The following GRID1 variants were observed in gnomAD, a reference collection of about 807,000 sequenced individuals.
The protein encoded by GRID1 is glutamate ionotropic receptor delta type subunit 1.
A neutral mutation model predicts 98.0 loss-of-function variants in GRID1; 28 were observed. The observed-to-expected ratio is 0.29, with a 90% CI of 0.21 to 0.39. The LOEUF (loss-of-function observed/expected upper bound fraction) is 0.39, where lower values mean the gene tolerates loss of function less well. Ranked by LOEUF, GRID1 falls within the 10% of genes least tolerant of loss-of-function variation. GRID1 has a pLI of 1.00. For synonymous variants in GRID1, 553 were observed against 538.5 expected (o/e 1.03, Z -0.37); for missense variants, 1,111 against 1,340.5 (o/e 0.83, Z 2.67).
At chr10:86,262,314 G>A (rs986873030) in intron 2 of GRID1, among the ~76,000 whole-genome samples, 2 of 152,190 alleles carry the variant, frequency 1.3e-5, no homozygotes, top group Non-Finnish European at 2.9e-5. Flanking sequence ...GCTCTCCACT[G>A]AGATTCTGAT....
intron 15 of GRID1, chr10:85,607,271 G>A (rs769081401): frequency 2.6e-5 from 4 of 152,246 alleles, no homozygotes; most frequent in Admixed American, 1.3e-4. Context: ...CCTTAGAACA[G>A]ACTTTGCTTG....
At chr10:85,701,261 G>A (rs985977813) in intron 12 of GRID1, among the ~76,000 whole-genome samples, 2 of 152,164 alleles carry the variant, frequency 1.3e-5, no homozygotes, top group African/African-American at 4.8e-5. Context: ...CAGTAACAAC[G>A]GAAAATGCCT....
intron 13 of GRID1, among the ~76,000 whole-genome samples, chr10:85,640,285 A>G (rs550512787): frequency 6.6e-6 from 1 of 152,346 alleles, no homozygotes; most frequent in Non-Finnish European, 1.5e-5. Flanking sequence ...AGTGGCTGAG[A>G]GGGAAGGAGG....
chr10:86,063,788 A>G (rs771476316), intron 4 of GRID1, among the ~76,000 whole-genome samples: 2 of 152,226 alleles, frequency 1.3e-5, no homozygotes, highest in Non-Finnish European at 2.9e-5. Flanking sequence ...AAAGTCTAGA[A>G]AGAGGGTCAA....
chr10:86,193,538 C>T (rs536843926), intron 3 of GRID1, among the ~76,000 whole-genome samples: 3 of 150,734 alleles, frequency 2.0e-5, no homozygotes, highest in Admixed American at 1.3e-4. Context: ...GAGCTAAGAA[C>T]CTTCCTGCCA....
chr10:85,656,231 T>C (rs1025843234), intron 12 of GRID1, among the ~76,000 whole-genome samples: 22 of 152,178 alleles, frequency 1.4e-4, no homozygotes, highest in African/African-American at 5.1e-4. Flanking sequence ...ATTTGACAGG[T>C]AGCACTCTCC....
At chr10:86,049,957 T>A (rs1015277330) in intron 4 of GRID1, among the ~76,000 whole-genome samples, 3 of 152,194 alleles carry the variant, frequency 2.0e-5, no homozygotes, top group African/African-American at 4.8e-5. Context: ...GTGTACATGT[T>A]AAACACCCAC....
intron 5 of GRID1, among the ~76,000 whole-genome samples, chr10:85,896,155 C>A (rs1052846216): frequency 7.2e-5 from 11 of 152,276 alleles, no homozygotes; most frequent in African/African-American, 2.6e-4. Context: ...ATAAGAATTT[C>A]ATCTGTCGGA....
rs555826079 is a variant in GRID1, at chr10:86,110,608, C to G, written c.726+28211G>C. Reference sequence around the variant, plus strand: ...TAGGCCATCACTGAGATGGCCATCCCAGGACCAGGCTTAGCATTCCATGTC... The same window carrying G: ...TAGGCCATCACTGAGATGGCCATCCGAGGACCAGGCTTAGCATTCCATGTC... On this transcript the variant is annotated intron_variant, in intron 4 of 15. Transcript: ENST00000327946. Among the ~76,000 whole-genome samples, 117 of 152,260 alleles carry G rather than the reference C, an allele frequency of 7.7e-4. 1 individual carries two copies. Among genetic ancestry groups the G allele is most frequent in the Admixed American group, 7.3e-3 (112 of 15,300 alleles).
At chr10:85,837,014 G>A (rs1842917073) in intron 8 of GRID1, among the ~76,000 whole-genome samples, 1 of 152,142 alleles carries the variant, frequency 6.6e-6, no homozygotes, top group African/African-American at 2.4e-5. Flanking sequence ...ACATCACATT[G>A]TTAGCATGTG....
chr10:86,120,235 CT>C (rs1374819699), intron 4 of GRID1, among the ~76,000 whole-genome samples: 1 of 152,188 alleles, frequency 6.6e-6, no homozygotes, highest in African/African-American at 2.4e-5. Flanking sequence ...CCTCTAGAAA[CT>C]TCCTCTAGTG....
intron 2 of GRID1, among the ~76,000 whole-genome samples, chr10:86,335,419 G>T (rs1044289033): frequency 1.3e-5 from 2 of 152,202 alleles, no homozygotes; most frequent in African/African-American, 4.8e-5. Flanking sequence ...AAAAGTTAAT[G>T]GGCTTCTTTA....
chr10:86,331,392 GAGCCTGAGCAGCTCCGTGTGC>G (rs1205292476), intron 2 of GRID1, among the ~76,000 whole-genome samples: 6 of 152,212 alleles, frequency 3.9e-5, no homozygotes, highest in Non-Finnish European at 7.4e-5. Flanking sequence ...ACTACCTGCT[GAGCCTGAGCAGCTCCGTGTGC>G]AGCCAAGGGG....
chr10:86,176,590 G>A (rs934229063), intron 3 of GRID1, among the ~76,000 whole-genome samples: 1 of 152,234 alleles, frequency 6.6e-6, no homozygotes, highest in African/African-American at 2.4e-5. Flanking sequence ...GGAGGGGCCA[G>A]GTGGGAAAGG....
At chr10:85,987,220 C>T (rs1053619397) in intron 4 of GRID1, among the ~76,000 whole-genome samples, 1 of 152,034 alleles carries the variant, frequency 6.6e-6, no homozygotes, top group African/African-American at 2.4e-5. Context: ...CCACCTTGAA[C>T]AGCCTGGACT....
chr10:85,920,273 A>T (rs557728737), intron 4 of GRID1, among the ~76,000 whole-genome samples: 1 of 152,032 alleles, frequency 6.6e-6, no homozygotes, highest in East Asian at 1.9e-4. Context: ...AACACCTCCC[A>T]CTTAGGGTTA....
chr10:86,182,444 G>A (rs868252079), intron 3 of GRID1, among the ~76,000 whole-genome samples: 6 of 152,202 alleles, frequency 3.9e-5, no homozygotes, highest in African/African-American at 9.7e-5. Context: ...CTGGTGTCTC[G>A]GGCATGCTAA....
intron 5 of GRID1, among the ~76,000 whole-genome samples, chr10:85,894,947 G>A (rs2131811718): frequency 6.8e-6 from 1 of 146,940 alleles, no homozygotes; most frequent in Non-Finnish European, 1.5e-5. Flanking sequence ...GCTGGAGGTT[G>A]CAGTGAACCA....
intron 4 of GRID1, among the ~76,000 whole-genome samples, chr10:86,110,675 A>G (rs375531512): frequency 6.6e-6 from 1 of 152,240 alleles, no homozygotes; most frequent in African/African-American, 2.4e-5. Flanking sequence ...TCCCAGCTGT[A>G]ACGTTGGGAA....
Sources: gnomAD v4.1 joint callset for allele counts (sites outside exome capture counted in the v4.1 genomes callset) on GRCh38, gnomAD v4.1.1 for gene constraint, MANE v1.5 for transcripts, NCBI Gene and HGNC (gene_info 2026-07-23, HGNC 2026-07-21) for gene names.